The following MID1 variants were observed in gnomAD, a reference collection of about 807,000 sequenced individuals.
MID1 encodes E3 ubiquitin-protein ligase Midline-1.
Under a neutral mutation model 40.4 loss-of-function variants are expected in MID1, and 7 were observed. The ratio of observed to expected loss-of-function variants is 0.17; its 90% confidence interval spans 0.10 to 0.33. The LOEUF (loss-of-function observed/expected upper bound fraction) is 0.33. Among genes scored for constraint, MID1 ranks in the 10% least tolerant of loss-of-function variants. The pLI is 1.00. For missense variants in MID1, 367 were observed against 558.5 expected, an observed-to-expected ratio of 0.66 and a Z score of 3.46; for synonymous variants, 229 against 221.2, an observed-to-expected ratio of 1.04 and a Z score of -0.31.
intron 1 of MID1, among the ~76,000 whole-genome samples, chrX:10,719,377 A>C (rs1421242184): frequency 1.3e-4 from 14 of 111,709 alleles, no homozygotes; most frequent in African/African-American, 4.6e-4. Context: ...ATGTGCAAAA[A>C]CCACAAGCAT....
chrX:10,817,564 CTT>C (rs1569177975), intron 1 of MID1, among the ~76,000 whole-genome samples: 23 of 90,833 alleles, frequency 2.5e-4, no homozygotes, highest in African/African-American at 7.9e-4. Context: ...TTCTTTCTTT[CTT>C]TCTTTCTCTC....
At chrX:10,516,595 TGTGTGTGTGTGTGTGCGCGC>T (rs1170513975) in intron 3 of MID1, among the ~76,000 whole-genome samples, 32 of 84,162 alleles carry the variant, frequency 3.8e-4, no homozygotes, top group African/African-American at 1.8e-3. Flanking sequence ...TGTGTGTGTG[TGTGTGTGTGTGTGTGCGCGC>T]GCGCACGCGT....
chrX:10,504,414 G>T (rs1931719144), intron 3 of MID1, among the ~76,000 whole-genome samples: 1 of 111,168 alleles, frequency 9.0e-6, no homozygotes, highest in South Asian at 3.9e-4. Context: ...AAAAGCCCTT[G>T]ACAAATGCTT....
chrX:10,470,342 T>A (rs1215850622), intron 6 of MID1, among the ~76,000 whole-genome samples: 1 of 111,756 alleles, frequency 8.9e-6, no homozygotes, highest in East Asian at 2.8e-4. Context: ...AAAACTTTAT[T>A]TACAAATATA....
Position 10,689,874 on chromosome X carries a change from T to C in MID1, c.-186-69455A>G, listed in dbSNP as rs1483370873. ...CATTTTGTCAATATCTGGAAAGAAT[T>C]TCATTGAAATTGCTTCAAAAGAATT... On this transcript the variant is annotated intron_variant, in intron 1 of 10. Transcript: ENST00000380785. Among the ~76,000 whole-genome samples the C allele has an allele frequency of 2.7e-5, 3 of 111,591 alleles. No individual in the cohort carries two copies. In the East Asian group the frequency reaches 8.4e-4, roughly 31 times the overall value.
Position 10,678,210 on chromosome X carries a change from T to C in MID1, c.-186-57791A>G, listed in dbSNP as rs184472113. On this transcript the variant is annotated intron_variant, in intron 1 of 10. Coordinates refer to the MID1 transcript ENST00000380785. ...TACAAAAATACTTAAAGTGTCTATA[T>C]CATGTGTTTCAGCCTTACTAGAACT... Among the ~76,000 whole-genome samples, 121 of 112,059 alleles carry C rather than the reference T, an allele frequency of 1.1e-3. 1 individual carries two copies. The highest frequency in any genetic ancestry group is 9.2e-3 in the Middle Eastern group (2 of 218).
chrX:10,740,640 G>A (rs916332108), intron 1 of MID1, among the ~76,000 whole-genome samples: 1 of 111,339 alleles, frequency 9.0e-6, no homozygotes, highest in Non-Finnish European at 1.9e-5. Flanking sequence ...TAGTTTTTTT[G>A]AACTGTAAAA....
At chrX:10,570,236 G>A (rs1934685178) in intron 1 of MID1, among the ~76,000 whole-genome samples, 1 of 111,337 alleles carries the variant, frequency 9.0e-6, no homozygotes, top group South Asian at 3.8e-4. Context: ...TCCCCTGCTC[G>A]CCCCTGCAAG....
intron 2 of MID1, among the ~76,000 whole-genome samples, chrX:10,543,822 G>C (rs775056625): frequency 7.4e-4 from 80 of 108,468 alleles, no homozygotes; most frequent in Non-Finnish European, 1.4e-3. Flanking sequence ...CAGCCTGGGT[G>C]ACAGAGCGAG....
upstream of MID1, among the ~76,000 whole-genome samples, chrX:10,622,872 A>G (rs779724101): frequency 1.8e-4 from 20 of 111,536 alleles, no homozygotes; most frequent in Non-Finnish European, 3.6e-4. Context: ...AAATAAACAA[A>G]TGGAAATGTT....
At chrX:10,671,575 G>C (rs2042987467) in intron 1 of MID1, among the ~76,000 whole-genome samples, 2 of 111,309 alleles carry the variant, frequency 1.8e-5, no homozygotes, top group South Asian at 7.7e-4. Flanking sequence ...CCAGGTCCTA[G>C]TGCAGCATAC....
At chrX:10,734,513 C>A (rs1411638993) in intron 1 of MID1, among the ~76,000 whole-genome samples, 1 of 105,436 alleles carries the variant, frequency 9.5e-6, no homozygotes, top group Non-Finnish European at 1.9e-5. Context: ...ACCTATGTAA[C>A]AAACCTTCAC....
intron 1 of MID1, among the ~76,000 whole-genome samples, chrX:10,652,011 A>G (rs1475849528): frequency 1.8e-5 from 2 of 111,957 alleles, no homozygotes. Flanking sequence ...CCAGCTTGAG[A>G]TATTGTAAAT....
intron 3 of MID1, among the ~76,000 whole-genome samples, chrX:10,515,246 A>G (rs1424377773): frequency 1.8e-5 from 2 of 112,498 alleles, no homozygotes; most frequent in East Asian, 5.6e-4. Context: ...GAATGCTTTT[A>G]GGGCTTGGTG....
chrX:10,738,607 C>T (rs1200367544), intron 1 of MID1, among the ~76,000 whole-genome samples: 1 of 110,702 alleles, frequency 9.0e-6, no homozygotes, highest in South Asian at 3.8e-4. Context: ...AGAAGAAATA[C>T]TGTTTTAGGA....
chrX:10,693,189 TTAAC>T (rs1413673522), intron 1 of MID1, among the ~76,000 whole-genome samples: 2 of 108,516 alleles, frequency 1.8e-5, no homozygotes, highest in East Asian at 5.6e-4. Context: ...TTAAGGTGTT[TTAAC>T]TTTTTTTTTT....
At chrX:10,678,152 A>T (rs2043035506) in intron 1 of MID1, among the ~76,000 whole-genome samples, 1 of 111,778 alleles carries the variant, frequency 8.9e-6, no homozygotes, top group Non-Finnish European at 1.9e-5. Context: ...ACGCAATTTA[A>T]GACATTTTGC....
intron 2 of MID1, among the ~76,000 whole-genome samples, chrX:10,560,204 T>A (rs1056045670): frequency 1.5e-4 from 17 of 110,898 alleles, no homozygotes; most frequent in African/African-American, 5.6e-4. Context: ...CTTAATAACA[T>A]AGGTTCAAAA....
rs192615242 is a variant in MID1 at position 10,656,134 on chromosome X, A to T, written c.-186-35715T>A. On this transcript the variant is annotated intron_variant, in intron 1 of 10. Coordinates refer to the MID1 transcript ENST00000380785. ...CAATTTTTTGCCATTTGCAATCAAA[A>T]GAAGTTCTAACTAAAATCATAGAGC... is the stretch of plus-strand genomic sequence containing the variant. Among the ~76,000 whole-genome samples, 4 of 112,516 alleles carry T rather than the reference A, an allele frequency of 3.6e-5. No homozygotes were observed. In the East Asian group the frequency reaches 1.1e-3, roughly 32 times the overall value.
Sources: allele counts gnomAD v4.1 joint callset (sites outside exome capture counted in the v4.1 genomes callset), GRCh38; gene constraint gnomAD v4.1.1; transcripts MANE v1.5; gene names NCBI Gene and HGNC (gene_info 2026-07-23, HGNC 2026-07-21).